DISP3: variants seen among roughly 807,000 people sequenced by gnomAD.
DISP3 encodes dispatched RND transporter family member 3.
DISP3 carries 101 observed loss-of-function variants against 135.3 expected under a neutral mutation model. The observed-to-expected ratio is 0.75, with a 90% CI of 0.64 to 0.88. The LOEUF (loss-of-function observed/expected upper bound fraction) is 0.88. Among genes scored for constraint, DISP3 ranks in the 40% least tolerant of loss-of-function variants. The probability of loss-of-function intolerance (pLI) is 0.00; values close to 1 mark genes in which losing one functional copy is unlikely to be tolerated. For missense variants in DISP3, 1,713 were observed against 1,878.6 expected (o/e 0.91, Z 1.63); for synonymous variants, 856 against 817.0 (o/e 1.05, Z -0.81).
At chr1:11,517,114 C>G (rs1180703026) in intron 6 of DISP3, among the ~76,000 whole-genome samples, 1 of 151,856 alleles carries the variant, frequency 6.6e-6, no homozygotes, top group Non-Finnish European at 1.5e-5. Flanking sequence ...AGCACATGGC[C>G]TGGTCTAGCG....
Position 11,520,074 on chromosome 1 carries a change from G to A in DISP3, c.2200+194G>A, listed in dbSNP as rs1007622434. On this transcript the variant is annotated intron_variant, in intron 9 of 20. Coordinates refer to ENST00000294484, the MANE Select transcript of DISP3 (RefSeq NM_020780.2). The surrounding 1 kb of genome is among the most constrained non-coding windows in gnomAD (Gnocchi z 4.8). ...CGGCTGTTACTCATTGGCCCCTGCT[G>A]TGTGCCAGCCACTCACACTGGGCAG... Among the ~76,000 whole-genome samples, 2 of 152,224 alleles carry A rather than the reference G, an allele frequency of 1.3e-5. No individual in the cohort carries two copies. Among genetic ancestry groups the A allele is most frequent in the Admixed American group, 6.5e-5 (1 of 15,290 alleles).
Position 11,529,528 on chromosome 1 carries a change from C to T in DISP3, c.2799-28C>T, listed in dbSNP as rs1642517170. 5 of 1,534,934 alleles carry T rather than the reference C, an allele frequency of 3.3e-6. No individual in the cohort carries two copies. The highest frequency in any genetic ancestry group is 4.4e-6 in the Non-Finnish European group (5 of 1,138,594). ...CCTGACTCCTCCTAGCCTTTCCGGCCTCAGCCCAGCCTCCATTCCCTCCAC... is the reference window on the plus strand; with the variant it reads ...CCTGACTCCTCCTAGCCTTTCCGGCTTCAGCCCAGCCTCCATTCCCTCCAC... On this transcript the variant is annotated intron_variant, in intron 13 of 20. Transcript: ENST00000294484. This position sits in a 1 kb window ranked among gnomAD's most constrained non-coding sequence, Gnocchi z 4.7.
chr1:11,502,161 G>GCCAGGC (rs574431695), intron 2 of DISP3, 73 bp downstream of exon 2: 149 of 1,495,318 alleles, frequency 1.0e-4, no homozygotes, highest in Middle Eastern at 2.5e-4. Context: ...TTTGGCCCAG[G>GCCAGGC]CCAGGCCCAG....
At position 11,516,611 on chromosome 1, in the gene DISP3, G is replaced by A. The variant is rs113650317; in HGVS notation, c.1749+450G>A. Among the ~76,000 whole-genome samples, 5 of 152,352 alleles carry A rather than the reference G, an allele frequency of 3.3e-5. No homozygotes were observed. In the South Asian group the frequency reaches 6.2e-4, roughly 19 times the overall value. On this transcript the variant is annotated intron_variant, in intron 6 of 20. Coordinates refer to ENST00000294484, the MANE Select transcript of DISP3 (RefSeq NM_020780.2). This position sits in a 1 kb window ranked among gnomAD's most constrained non-coding sequence, Gnocchi z 5.1. ...ATTCCCCTTCTGCCTGCTTCTGGCTGCATTTTCCTCCCTTGTGCTGACTTC... is the reference window on the plus strand; with the variant it reads ...ATTCCCCTTCTGCCTGCTTCTGGCTACATTTTCCTCCCTTGTGCTGACTTC...
Position 11,534,527 on chromosome 1 carries a change from C to T in DISP3, c.3522C>T (p.Phe1174=), listed in dbSNP as rs754440708. The T allele has an allele frequency of 2.5e-6, 4 of 1,608,180 alleles. No individual in the cohort carries two copies. The highest frequency in any genetic ancestry group is 1.7e-4 in the Middle Eastern group (1 of 6,060). ...CCTGCGAGCACTGGAAGCAGATATT[C>T]ATGGAAATCGTAGGCAAGCGGCAGC... ...FQTCEHWKQI[F]MEIVGVQSAL... is the part of the protein sequence containing the mutation. The change falls in exon 18 of 21, where the codon TTC becomes TTT. Residue 1174 remains phenylalanine (F), a synonymous_variant. Coordinates refer to ENST00000294484, the MANE Select transcript of DISP3 (RefSeq NM_020780.2).
intron 1 of DISP3, among the ~76,000 whole-genome samples, chr1:11,498,808 G>A (rs1044423544): frequency 1.6e-4 from 24 of 152,078 alleles, no homozygotes; most frequent in African/African-American, 4.6e-4. Flanking sequence ...CAGTTTCTGC[G>A]GTGAGTACTG....
At chr1:11,492,993 T>C (rs560150653) in intron 1 of DISP3, among the ~76,000 whole-genome samples, 1 of 152,208 alleles carries the variant, frequency 6.6e-6, no homozygotes, top group Non-Finnish European at 1.5e-5. Flanking sequence ...TCCTACTTTC[T>C]CTCTGGGATG....
chr1:11,524,200 G>T, intron 11 of DISP3, 145 bp downstream of exon 11: 1 of 649,762 alleles, frequency 1.5e-6, no homozygotes. Context: ...GCTGGGGATG[G>T]GGGGTGAATT....
Position 11,519,709 on chromosome 1 carries a change from G to T in DISP3, c.2039-10G>T, listed in dbSNP as rs1243664879. 1.2e-6 allele frequency: 2 copies of T among 1,611,724 alleles called. No individual in the cohort carries two copies. Among genetic ancestry groups the T allele is most frequent in the Admixed American group, 3.3e-5 (2 of 59,988 alleles). On this transcript the variant is annotated splice_polypyrimidine_tract_variant and intron_variant, in intron 8 of 20. Transcript: ENST00000294484. This position sits in a 1 kb window ranked among gnomAD's most constrained non-coding sequence, Gnocchi z 4.3. The stretch of plus-strand genomic sequence containing the variant: ...TCAGGCTCTGACGGGCCACTGCTCT[G>T]CCCTGGCAGTGTCACTGGAGCTGGG...
At chr1:11,497,447 G>A (rs1283348805) in intron 1 of DISP3, among the ~76,000 whole-genome samples, 1 of 151,826 alleles carries the variant, frequency 6.6e-6, no homozygotes, top group African/African-American at 2.4e-5. Context: ...GGAGTGCAGT[G>A]GTGCGATCTG....
In DISP3 at chr1:11,516,522, AG is replaced by A. The variant is rs1350975220; in HGVS notation, c.1749+363del. ...CCAAAAAAGAAACTTGGCCCCTGAG[AG>A]GTAAAGTGACTTCCTCAGGATCACA... On this transcript the variant is annotated intron_variant, in intron 6 of 20. Coordinates refer to ENST00000294484, the MANE Select transcript of DISP3 (RefSeq NM_020780.2). The surrounding 1 kb of genome is among the most constrained non-coding windows in gnomAD (Gnocchi z 5.1). Among the ~76,000 whole-genome samples the A allele has an allele frequency of 2.0e-5, 3 of 152,194 alleles. No homozygotes were observed. Among genetic ancestry groups the A allele is most frequent in the Non-Finnish European group, 2.9e-5 (2 of 68,038 alleles).
At chr1:11,502,397 G>A (rs1284892009) in intron 2 of DISP3, among the ~76,000 whole-genome samples, 1 of 152,210 alleles carries the variant, frequency 6.6e-6, no homozygotes, top group Non-Finnish European at 1.5e-5. Flanking sequence ...GGGCCAGGAT[G>A]TGGTTATACA....
At position 11,535,611 on chromosome 1, in the gene DISP3, G is replaced by T. The variant is rs1165527887; in HGVS notation, c.3783G>T (p.Leu1261=). The T allele has an allele frequency of 6.2e-7, 1 of 1,613,120 alleles. No homozygotes were observed. Among genetic ancestry groups the T allele is most frequent in the South Asian group, 1.1e-5 (1 of 91,078 alleles). Reference sequence around the variant, plus strand: ...TCCACCTGGTCGAGGGCTACCTGCTGGCTGGAGAGAACCTGCCCCCCCACC... The same window carrying T: ...TCCACCTGGTCGAGGGCTACCTGCTTGCTGGAGAGAACCTGCCCCCCCACC... The part of the protein sequence containing the change: ...YCVHLVEGYL[L]AGENLPPHQA... Residue 1261 remains leucine (L), a synonymous_variant, in exon 20 of 21, where the codon CTG becomes CTT. Coordinates refer to ENST00000294484, the MANE Select transcript of DISP3 (RefSeq NM_020780.2).
chr1:11,501,313 C>CT lies in DISP3; in HGVS notation c.324dup (p.Glu109Ter). 1.2e-6 allele frequency: 2 copies of CT among 1,614,098 alleles called. No individual in the cohort carries two copies. The highest frequency in any genetic ancestry group is 1.7e-6 in the Non-Finnish European group (2 of 1,180,036). ...TGGACATTGACATCTCCTACAACGC[C>CT]TTTGAGATCCGCAACCACGAGGCCT... On this transcript the variant is annotated frameshift_variant, in exon 2 of 21. Transcript: ENST00000294484. LOFTEE classifies it high-confidence loss of function. The surrounding 1 kb of genome is among the most constrained non-coding windows in gnomAD (Gnocchi z 4.9).
intron 1 of DISP3, among the ~76,000 whole-genome samples, chr1:11,482,221 C>T (rs1051713170): frequency 6.6e-6 from 1 of 152,166 alleles, no homozygotes; most frequent in African/African-American, 2.4e-5. Context: ...AAGTGGCAGA[C>T]ACTGGGCTGG....
chr1:11,525,120 A>G, intron 11 of DISP3, 56 bp from the exon 12 acceptor site: 1 of 1,596,064 alleles, frequency 6.3e-7, no homozygotes. Flanking sequence ...CTCCAGGGTC[A>G]GGAGAAGCCA....
chr1:11,495,177 G>A (rs1641296614), intron 1 of DISP3, among the ~76,000 whole-genome samples: 1 of 152,182 alleles, frequency 6.6e-6, no homozygotes, highest in South Asian at 2.1e-4. Context: ...CAGATCGCTT[G>A]TCAGGAGTTC....
Position 11,529,697 on chromosome 1 carries a change from G to A in DISP3, c.2929+11G>A, listed in dbSNP as rs1642523666. The A allele has an allele frequency of 1.2e-6, 2 of 1,602,324 alleles. No individual in the cohort carries two copies. The highest frequency in any genetic ancestry group is 1.1e-5 in the South Asian group (1 of 90,704). The stretch of plus-strand genomic sequence containing the variant: ...TGCCTAGTGAGAAAGGTACGGCAAG[G>A]GCACACAGGTGGGGACCTCAAGAGC... On this transcript the variant is annotated intron_variant, in intron 14 of 20. Transcript: ENST00000294484. This position sits in a 1 kb window ranked among gnomAD's most constrained non-coding sequence, Gnocchi z 4.7.
chr1:11,498,938 C>T (rs892031172), intron 1 of DISP3, among the ~76,000 whole-genome samples: 19 of 152,290 alleles, frequency 1.2e-4, no homozygotes, highest in African/African-American at 4.3e-4. Flanking sequence ...GCTCTTAACA[C>T]GCTGCTACAC....
Sources: gnomAD v4.1 joint callset for allele counts (sites outside exome capture counted in the v4.1 genomes callset) on GRCh38, gnomAD v4.1.1 for gene constraint, Gnocchi (gnomAD v3.1) non-coding constraint, MANE v1.5 for transcripts, NCBI Gene and HGNC (gene_info 2026-07-23, HGNC 2026-07-21) for gene names.